The following ZNF112 variants were observed in gnomAD, a reference collection of about 807,000 sequenced individuals.
ZNF112 encodes the protein zinc finger protein 112.
Under a neutral mutation model 77.7 loss-of-function variants are expected in ZNF112, and 37 were observed. The observed-to-expected ratio is 0.48, with a 90% CI of 0.37 to 0.63. The LOEUF (loss-of-function observed/expected upper bound fraction) is 0.63. Ranked by LOEUF, ZNF112 falls within the 20% of genes least tolerant of loss-of-function variation. The probability of loss-of-function intolerance (pLI) is 0.00; values close to 1 mark genes in which losing one functional copy is unlikely to be tolerated. For missense variants in ZNF112, 950 were observed against 1,077.4 expected (o/e 0.88, Z 1.66); for synonymous variants, 333 against 363.6 (o/e 0.92, Z 0.96).
At chr19:44,341,108 T>C (rs1970481604) in intron 1 of ZNF112, 6 of 456,164 alleles carry the variant, frequency 1.3e-5, no homozygotes, top group Non-Finnish European at 2.6e-5. Flanking sequence ...GTGAAACTTA[T>C]ACCATACAGT....
At chr19:44,348,345 G>T (rs1970633267) in intron 1 of ZNF112, among the ~76,000 whole-genome samples, 1 of 152,010 alleles carries the variant, frequency 6.6e-6, no homozygotes, top group Non-Finnish European at 1.5e-5. Context: ...TTGTCCCACA[G>T]GTTCCGAAGG....
At position 44,329,112 on chromosome 19, in the gene ZNF112, C is replaced by T. The variant is rs775848826; in HGVS notation, c.1045G>A (p.Gly349Ser). Residue 349 changes from glycine (G) to serine (S), a missense_variant, in exon 4 of 4, where the codon GGT (glycine) becomes AGT (serine). Gly to Ser is a moderately conservative substitution (Grantham distance 56). This residue lies in a region of ZNF112 where 560 missense variants were observed against 557.3 expected (regional missense o/e 1.00). Transcript: ENST00000354340. ...ATGTTGTGCCTATAGGACATCTCAC[C>T]TGTGTGGATAAGTTCATAAGTGTTA... ...PLNTYELIHT[G>S]EMSYRHNIYE... The T allele has an allele frequency of 1.9e-6, 3 of 1,613,894 alleles. No homozygotes were observed. Among genetic ancestry groups the T allele is most frequent in the East Asian group, 4.5e-5 (2 of 44,854 alleles).
intron 1 of ZNF112, among the ~76,000 whole-genome samples, chr19:44,349,393 G>T (rs1970652863): frequency 6.6e-6 from 1 of 151,908 alleles, no homozygotes; most frequent in Non-Finnish European, 1.5e-5. Context: ...AACAGACTTT[G>T]TTACACTTTG....
At chr19:44,331,698 C>A (rs893752082) in intron 3 of ZNF112, among the ~76,000 whole-genome samples, 36 of 152,178 alleles carry the variant, frequency 2.4e-4, no homozygotes, top group Non-Finnish European at 2.9e-5. Context: ...GCACTGCATT[C>A]CTTTCACTGC....
intron 1 of ZNF112, among the ~76,000 whole-genome samples, chr19:44,356,141 G>C (rs185565506): frequency 2.5e-4 from 38 of 152,300 alleles, no homozygotes; most frequent in Admixed American, 2.1e-3. Context: ...GTTCACAGAA[G>C]CTTTCAGGGA....
chr19:44,348,923 A>G (rs779989836), intron 1 of ZNF112, among the ~76,000 whole-genome samples: 10 of 152,102 alleles, frequency 6.6e-5, no homozygotes, highest in Non-Finnish European at 1.3e-4. Context: ...AGACAAAATC[A>G]AGCCTATCAA....
intron 1 of ZNF112, among the ~76,000 whole-genome samples, chr19:44,365,377 C>T (rs1445769538): frequency 6.6e-6 from 1 of 152,058 alleles, no homozygotes; most frequent in Admixed American, 6.6e-5. Flanking sequence ...GGAGGATCAA[C>T]TGAACCTGGG....
At chr19:44,346,571 T>C (rs1188785173) in intron 1 of ZNF112, among the ~76,000 whole-genome samples, 1 of 152,152 alleles carries the variant, frequency 6.6e-6, no homozygotes, top group African/African-American at 2.4e-5. Context: ...CCAAAACTGA[T>C]CAGAGATAAG....
At chr19:44,365,122 G>T (rs1338722563) in intron 1 of ZNF112, among the ~76,000 whole-genome samples, 1 of 151,824 alleles carries the variant, frequency 6.6e-6, no homozygotes, top group Non-Finnish European at 1.5e-5. Context: ...TTTTATTGTT[G>T]TTGTTGGAAG....
In ZNF112 at chr19:44,327,870, T is replaced by C; in HGVS notation, c.2287A>G (p.Arg763Gly). The change falls in exon 4 of 4, where the codon AGG becomes GGG. Residue 763 changes from arginine (R) to glycine (G), a missense_variant. Arg to Gly is a moderately radical substitution (Grantham distance 125, BLOSUM62 -2). This residue lies in a region of ZNF112 where 373 missense variants were observed against 482.8 expected (regional missense o/e 0.77). Coordinates refer to ENST00000354340, the MANE Select transcript of ZNF112 (RefSeq NM_013380.4). ...SQSSRLEAHR[R>G]VHTGGKPYKC... is the part of the protein sequence containing the mutation. ...TATGGTTTCCCTCCTGTGTGAACCC[T>C]CCGATGTGCTTCAAGGCGCGAACTC... 6.2e-7 allele frequency: 1 copy of C among 1,614,036 alleles called. No homozygotes were observed. The highest frequency in any genetic ancestry group is 1.1e-5 in the South Asian group (1 of 91,088).
At chr19:44,330,288 A>G (rs868082738) in intron 3 of ZNF112, among the ~76,000 whole-genome samples, 11 of 152,216 alleles carry the variant, frequency 7.2e-5, no homozygotes, top group South Asian at 2.1e-4. Context: ...TTGAAATACA[A>G]AACACTTCTG....
chr19:44,360,366 G>A (rs765345698), upstream of ZNF112, among the ~76,000 whole-genome samples: 58 of 142,444 alleles, frequency 4.1e-4, no homozygotes, highest in Non-Finnish European at 7.5e-4. Context: ...ATATATAAAA[G>A]GGCAACCTAG....
chr19:44,364,643 T>A (rs1221319984), intron 1 of ZNF112, among the ~76,000 whole-genome samples: 2 of 151,428 alleles, frequency 1.3e-5, no homozygotes, highest in Admixed American at 6.6e-5. Flanking sequence ...GAAAAAAAAA[T>A]ACAAATTAGC....
At chr19:44,364,771 G>A (rs1235632106) in intron 1 of ZNF112, among the ~76,000 whole-genome samples, 1 of 152,170 alleles carries the variant, frequency 6.6e-6, no homozygotes, top group African/African-American at 2.4e-5. Context: ...GATATGAAAA[G>A]GTTAGATGAG....
chr19:44,340,566 C>T, intron 1 of ZNF112, 24 bp from the exon 2 acceptor site: 1 of 1,613,558 alleles, frequency 6.2e-7, no homozygotes. Context: ...CACATGCACA[C>T]TAAGTTTACA....
Position 44,338,880 on chromosome 19 carries a change from T to C in ZNF112, c.124+1536A>G, listed in dbSNP as rs544905183. 5.9e-5 allele frequency among the ~76,000 whole-genome samples: 9 copies of C among 152,216 alleles called. No individual in the cohort carries two copies. The South Asian group carries it at 1.9e-3, about 32-fold the overall frequency. Reference sequence around the variant, plus strand: ...GAGTTTGAGACCAGTGTGGCCAACATGGTGAAACCTCATCTCTAATAAAAA... The same window carrying C: ...GAGTTTGAGACCAGTGTGGCCAACACGGTGAAACCTCATCTCTAATAAAAA... On this transcript the variant is annotated intron_variant, in intron 2 of 3. Coordinates refer to ENST00000354340, the MANE Select transcript of ZNF112 (RefSeq NM_013380.4).
At position 44,329,487 on chromosome 19, in the gene ZNF112, T is replaced by A. The variant is rs1314880270; in HGVS notation, c.670A>T (p.Asn224Tyr). ...NDKLEVHRKE[N>Y]YSCHDCGEDI... ...TCTCCACAGTCATGGCAGCTGTAGT[T>A]TTCTTTTCTGTGTACTTCCAGTTTA... The change falls in exon 4 of 4, where the codon AAC (asparagine) becomes TAC (tyrosine). Residue 224 changes from asparagine (N) to tyrosine (Y), a missense_variant. Transcript: ENST00000354340. 2 of 1,614,132 alleles carry A rather than the reference T, an allele frequency of 1.2e-6. No homozygotes were observed.
chr19:44,331,624 T>C (rs28431370), intron 3 of ZNF112, among the ~76,000 whole-genome samples: 3,138 of 152,320 alleles, frequency 0.021, 112 homozygotes, highest in African/African-American at 0.072. Flanking sequence ...CTGCCTTATT[T>C]CTTTGTGTTT....
chr19:44,365,486 A>ATG (rs1200785673), intron 1 of ZNF112, among the ~76,000 whole-genome samples: 2 of 148,176 alleles, frequency 1.3e-5, no homozygotes, highest in Non-Finnish European at 3.0e-5. Flanking sequence ...ATATATATTT[A>ATG]TGTGTGTGTG....
Sources: gnomAD v4.1 joint callset for allele counts (sites outside exome capture counted in the v4.1 genomes callset) on GRCh38, gnomAD v4.1.1 for gene constraint, gnomAD v4.1.1 regional missense constraint, MANE v1.5 for transcripts, NCBI Gene and HGNC (gene_info 2026-07-23, HGNC 2026-07-21) for gene names.